The following PDE3B variants were observed in gnomAD, a reference collection of about 807,000 sequenced individuals.
PDE3B encodes the protein cGMP-inhibited 3',5'-cyclic phosphodiesterase 3B.
In PDE3B, 66 loss-of-function variants were observed where a neutral mutation model predicts 116.8. The observed-to-expected ratio is 0.56, with a 90% CI of 0.46 to 0.69. PDE3B has a LOEUF of 0.69. Among genes scored for constraint, PDE3B ranks in the 30% least tolerant of loss-of-function variants. The pLI is 0.00. For missense variants in PDE3B, 1,384 were observed against 1,368.1 expected (o/e 1.01, Z -0.18); for synonymous variants, 595 against 533.6 (o/e 1.12, Z -1.59).
At chr11:14,739,189 T>C (rs1483847426) in intron 1 of PDE3B, among the ~76,000 whole-genome samples, 1 of 152,234 alleles carries the variant, frequency 6.6e-6, no homozygotes, top group Non-Finnish European at 1.5e-5. Context: ...TAAATTACCT[T>C]GGACAGTATG....
chr11:14,674,183 T>G (rs1309524731), intron 1 of PDE3B: 4 of 1,266,500 alleles, frequency 3.2e-6, no homozygotes, highest in Non-Finnish European at 4.6e-6. Flanking sequence ...TCACTGGTAC[T>G]GCCACCATCT....
intron 2 of PDE3B, among the ~76,000 whole-genome samples, chr11:14,781,408 T>C (rs1054730829): frequency 1.3e-5 from 2 of 152,240 alleles, no homozygotes; most frequent in African/African-American, 4.8e-5. Context: ...GCAAAAATCC[T>C]GAATAAAATA....
chr11:14,697,795 G>A (rs756921274), intron 1 of PDE3B, among the ~76,000 whole-genome samples: 4 of 151,402 alleles, frequency 2.6e-5, no homozygotes, highest in Non-Finnish European at 5.9e-5. Context: ...TTTATTCATT[G>A]GTATTTTATT....
intron 1 of PDE3B, among the ~76,000 whole-genome samples, chr11:14,758,031 A>G (rs975164574): frequency 2.2e-4 from 33 of 151,716 alleles, no homozygotes; most frequent in African/African-American, 5.8e-4. Context: ...TGGCTAGCCA[A>G]TTTTCCCAGC....
chr11:14,657,895 A>G (rs1453733635), intron 1 of PDE3B, among the ~76,000 whole-genome samples: 8 of 152,206 alleles, frequency 5.3e-5, no homozygotes, highest in African/African-American at 1.9e-4. Flanking sequence ...TCAGAATACT[A>G]CCTGTATTCC....
chr11:14,870,088 G>A lies in PDE3B; in HGVS notation c.*428G>A, dbSNP rs1848119072. The A allele has an allele frequency of 6.4e-6, 1 of 157,124 alleles. No individual in the cohort carries two copies. Among genetic ancestry groups the A allele is most frequent in the Non-Finnish European group, 1.4e-5 (1 of 71,450 alleles). 9.7% of individuals were successfully genotyped at this position (157,124 alleles called of 1,614,324 possible). A position where few individuals can be genotyped will look rare whatever the true frequency, so the allele number is the denominator to read the frequency against. The stretch of plus-strand genomic sequence containing the variant: ...AGATTCATATTGTATTTCCCAGTGT[G>A]TCTTTTATGTCTTTGAATGTTTTGG... On this transcript the variant is annotated 3_prime_UTR_variant, in exon 16 of 16. Transcript: ENST00000282096. This position sits in a 1 kb window ranked among gnomAD's most constrained non-coding sequence, Gnocchi z 4.1.
chr11:14,841,318 TCTCTCTCTCTCTCC>T (rs66762451), intron 11 of PDE3B, among the ~76,000 whole-genome samples: 1,986 of 148,290 alleles, frequency 0.013, 13 homozygotes, highest in Non-Finnish European at 0.022. Context: ...TTAAAATAAA[TCTCTCTCTCTCTCC>T]CTCTCTCTCT....
At chr11:14,808,898 A>G (rs1401490899) in intron 5 of PDE3B, among the ~76,000 whole-genome samples, 1 of 152,206 alleles carries the variant, frequency 6.6e-6, no homozygotes, top group Non-Finnish European at 1.5e-5. Flanking sequence ...ACGTTTAAGG[A>G]TCAGAAGACT....
chr11:14,661,458 G>T (rs11023296), intron 1 of PDE3B, among the ~76,000 whole-genome samples: 1 of 152,160 alleles, frequency 6.6e-6, no homozygotes, highest in African/African-American at 2.4e-5. Flanking sequence ...AGTGGGCGTA[G>T]GACAGTGGGT....
intron 3 of PDE3B, among the ~76,000 whole-genome samples, chr11:14,787,406 C>G (rs1239941774): frequency 6.6e-6 from 1 of 151,812 alleles, no homozygotes; most frequent in Non-Finnish European, 1.5e-5. Flanking sequence ...CCACTTTATT[C>G]CAGATAAGGA....
At chr11:14,806,782 C>T (rs966169075) in intron 5 of PDE3B, among the ~76,000 whole-genome samples, 1 of 149,200 alleles carries the variant, frequency 6.7e-6, no homozygotes, top group Admixed American at 6.7e-5. Flanking sequence ...TGGCATGAAC[C>T]CGGGAGGCGG....
chr11:14,777,163 G>C (rs941938038), intron 2 of PDE3B, among the ~76,000 whole-genome samples: 1 of 152,158 alleles, frequency 6.6e-6, no homozygotes, highest in African/African-American at 2.4e-5. Flanking sequence ...CAGTAGGATA[G>C]AATCTGTGAG....
chr11:14,762,900 G>A (rs1003570540), intron 1 of PDE3B, among the ~76,000 whole-genome samples: 1 of 152,182 alleles, frequency 6.6e-6, no homozygotes, highest in Non-Finnish European at 1.5e-5. Context: ...AAGACTATGG[G>A]GAGGAAGGTC....
Position 14,786,575 on chromosome 11 carries a change from T to C in PDE3B, c.1168T>C (p.Phe390Leu), listed in dbSNP as rs764480858. The part of the protein sequence containing the change: ...LRSISSLMGA[F>L]SGSCRPKINP... ...GAGTATTAGTAGCTTAATGGGTGCT[T>C]TCTCAGGTTCCTGTAGGCCAAAGAT... is the stretch of plus-strand genomic sequence containing the variant. Residue 390 changes from phenylalanine to leucine, a missense_variant, in exon 3 of 16, where the codon TTC becomes CTC. Around this residue, in one of 2 missense-constraint regions of PDE3B, gnomAD observed 956 missense variants for 806.8 expected, o/e 1.18. Transcript: ENST00000282096. 1.4e-5 allele frequency: 22 copies of C among 1,613,390 alleles called. No homozygotes were observed. The South Asian group carries it at 2.3e-4, about 17-fold the overall frequency.
At chr11:14,899,055 A>G in the PDE3B span, among the ~76,000 whole-genome samples, 3 of 152,172 alleles carry the variant, frequency 2.0e-5, no homozygotes, top group African/African-American at 7.2e-5. Context: ...AGAGGGCCCA[A>G]AACTCCAGCC....
chr11:14,841,154 CAA>C (rs1442004709), intron 11 of PDE3B, among the ~76,000 whole-genome samples: 2 of 151,838 alleles, frequency 1.3e-5, no homozygotes, highest in African/African-American at 4.8e-5. Flanking sequence ...TTAATAGAAA[CAA>C]AGAGTGACCT....
chr11:14,891,627 C>CCT, the PDE3B span: 2 of 1,093,022 alleles, frequency 1.8e-6, no homozygotes, highest in Non-Finnish European at 2.2e-6. Flanking sequence ...GACGCCCGCA[C>CCT]CTGAGGGCAT....
intron 14 of PDE3B, among the ~76,000 whole-genome samples, chr11:14,865,086 C>A (rs1555007854): frequency 6.6e-6 from 1 of 152,000 alleles, no homozygotes; most frequent in Non-Finnish European, 1.5e-5. Context: ...AAATAGACCA[C>A]TAGCTAGACT....
chr11:14,837,985 TA>T (rs927143087), intron 11 of PDE3B, among the ~76,000 whole-genome samples: 6 of 151,944 alleles, frequency 3.9e-5, no homozygotes, highest in Admixed American at 6.6e-5. Flanking sequence ...TATTTTATTT[TA>T]TTTTTTTTTT....
Sources: allele counts gnomAD v4.1 joint callset (sites outside exome capture counted in the v4.1 genomes callset), GRCh38; gene constraint gnomAD v4.1.1; regional missense constraint gnomAD v4.1.1; non-coding constraint Gnocchi (gnomAD v3.1); transcripts MANE v1.5; gene names NCBI Gene and HGNC (gene_info 2026-07-23, HGNC 2026-07-21).